Variants in AP1B1 observed in about 807,000 individuals in gnomAD.
AP1B1 encodes AP-1 complex subunit beta-1.
Under a neutral mutation model 104.3 loss-of-function variants are expected in AP1B1, and 36 were observed. The observed-to-expected ratio is 0.35, with a 90% CI of 0.26 to 0.46. The LOEUF (loss-of-function observed/expected upper bound fraction) is 0.46. AP1B1 is among the 20% of genes least tolerant of loss of function. The pLI is 1.00. For missense variants in AP1B1, 901 were observed against 1,247.9 expected (o/e 0.72, Z 4.19); for synonymous variants, 504 against 517.5 (o/e 0.97, Z 0.35).
At chr22:29,378,537 A>G (rs1312027015) in intron 1 of AP1B1, among the ~76,000 whole-genome samples, 1 of 142,816 alleles carries the variant, frequency 7.0e-6, no homozygotes, top group African/African-American at 2.7e-5. Flanking sequence ...TGGGCGAGAG[A>G]AAGAAACTCC....
At chr22:29,387,193 G>A (rs936983770) in intron 1 of AP1B1, among the ~76,000 whole-genome samples, 2 of 152,078 alleles carry the variant, frequency 1.3e-5, no homozygotes, top group Admixed American at 6.6e-5. Context: ...CAGCCTGTAG[G>A]ATTGTTTTAT....
chr22:29,339,591 G>A (rs1325395547), intron 15 of AP1B1, among the ~76,000 whole-genome samples, 163 bp downstream of exon 15: 1 of 151,922 alleles, frequency 6.6e-6, no homozygotes, highest in Non-Finnish European at 1.5e-5. Flanking sequence ...GCAGCCGGAT[G>A]CCAGGTGGTC....
intron 4 of AP1B1, 73 bp from the exon 5 acceptor site, chr22:29,359,044 GC>G: frequency 7.0e-7 from 1 of 1,432,234 alleles, no homozygotes; most frequent in Non-Finnish European, 9.4e-7. Context: ...TCCCTGGCCT[GC>G]AGCTCTGAGC....
chr22:29,362,624 C>T (rs552663912), intron 3 of AP1B1, among the ~76,000 whole-genome samples: 20 of 152,290 alleles, frequency 1.3e-4, no homozygotes, highest in East Asian at 9.6e-4. Context: ...GGATTACAGG[C>T]GTGAGCCACC....
Position 29,330,703 on chromosome 22 carries a change from T to C in AP1B1, c.2531A>G (p.Gln844Arg). The change falls in exon 20 of 23, where the codon CAG (glutamine) becomes CGG (arginine). Residue 844 changes from glutamine to arginine, a missense_variant. By Grantham distance (43) the Gln-to-Arg change is conservative. Around this residue, in one of 3 missense-constraint regions of AP1B1, gnomAD observed 424 missense variants for 494.0 expected, o/e 0.86. Transcript: ENST00000357586. ...LFVEDGKMDRQMFLATWKDIP... is the reference protein window; with the variant it reads ...LFVEDGKMDRRMFLATWKDIP... ...ATCCTTCCATGTGGCCAGGAACATC[T>C]GCCGGTCTGCGGGGTGAGCAGGGTG... 2 of 1,612,364 alleles carry C rather than the reference T, an allele frequency of 1.2e-6. No individual in the cohort carries two copies. The highest frequency in any genetic ancestry group is 1.7e-6 in the Non-Finnish European group (2 of 1,179,742).
Position 29,349,233 on chromosome 22 carries a change from A to G in AP1B1, c.1422T>C (p.His474=), listed in dbSNP as rs764109250. 35 of 1,613,156 alleles carry G rather than the reference A, an allele frequency of 2.2e-5. No individual in the cohort carries two copies. The highest frequency in any genetic ancestry group is 1.6e-4 in the Middle Eastern group (1 of 6,084). The stretch of plus-strand genomic sequence containing the variant: ...GCTGGCTCACCTGTGTGCTCTCGTC[A>G]TGGAAGCCCTCGAGGAAGCTCTCCA... ...ELLESFLEGF[H]DESTQVQLQL... is the part of the protein sequence containing the mutation. The change falls in exon 11 of 23, where the codon CAT becomes CAC. Residue 474 remains histidine, a synonymous_variant. Coordinates refer to ENST00000357586, the MANE Select transcript of AP1B1 (RefSeq NM_001127.4).
Position 29,359,970 on chromosome 22 carries a change from A to C in AP1B1, c.144-11T>G. ...TCGGGGAAGAGGGCACTGGAAGGTC[A>C]AAATGGTGTCAGCATGGGAAAGGCT... On this transcript the variant is annotated splice_polypyrimidine_tract_variant and intron_variant, in intron 3 of 22. Transcript: ENST00000357586. 2 of 1,610,864 alleles carry C rather than the reference A, an allele frequency of 1.2e-6. No homozygotes were observed. The highest frequency in any genetic ancestry group is 1.1e-5 in the South Asian group (1 of 90,134).
chr22:29,348,780 G>A (rs2061829483), intron 11 of AP1B1, among the ~76,000 whole-genome samples: 1 of 152,194 alleles, frequency 6.6e-6, no homozygotes, highest in South Asian at 2.1e-4. Flanking sequence ...GGGTGCATGT[G>A]TGTGTATCTG....
chr22:29,378,489 G>A (rs988300969), intron 1 of AP1B1, among the ~76,000 whole-genome samples: 4 of 147,338 alleles, frequency 2.7e-5, no homozygotes, highest in African/African-American at 1.0e-4. Flanking sequence ...GGAGGTTGAC[G>A]CTGCAGTGAG....
At chr22:29,375,288 T>C (rs1182054324) in intron 1 of AP1B1, among the ~76,000 whole-genome samples, 1 of 134,678 alleles carries the variant, frequency 7.4e-6, no homozygotes, top group Non-Finnish European at 1.5e-5. Context: ...AGGCAGAGGT[T>C]GTAGTGAGGT....
chr22:29,365,875 T>C (rs890364983), intron 2 of AP1B1, among the ~76,000 whole-genome samples: 3 of 151,562 alleles, frequency 2.0e-5, no homozygotes, highest in African/African-American at 7.3e-5. Flanking sequence ...CCCAGTACAC[T>C]TCAGTGTGGT....
intron 11 of AP1B1, among the ~76,000 whole-genome samples, chr22:29,344,398 G>A (rs981366376): frequency 9.9e-5 from 15 of 151,732 alleles, no homozygotes; most frequent in African/African-American, 2.7e-4. Flanking sequence ...CACTCAGGCC[G>A]TTAGCCTGCA....
intron 3 of AP1B1, among the ~76,000 whole-genome samples, 164 bp downstream of exon 3, chr22:29,362,837 G>A (rs2062072613): frequency 6.6e-6 from 1 of 152,052 alleles, no homozygotes; most frequent in Non-Finnish European, 1.5e-5. Context: ...CATGATTCCT[G>A]TGTAAACAAA....
At chr22:29,352,240 G>C (rs1386257639) in intron 7 of AP1B1, among the ~76,000 whole-genome samples, 3 of 152,248 alleles carry the variant, frequency 2.0e-5, no homozygotes, top group Non-Finnish European at 4.4e-5. Context: ...GCTAGCCTCA[G>C]AAGGCCTGGC....
chr22:29,329,058 C>T (rs1260662090), intron 22 of AP1B1, 163 bp from the exon 23 acceptor site: 5 of 1,426,756 alleles, frequency 3.5e-6, no homozygotes, highest in Middle Eastern at 2.6e-4. Flanking sequence ...GCGGAGGGGG[C>T]GGCTGTCGCA....
At chr22:29,384,741 G>A (rs1246040669) in intron 1 of AP1B1, among the ~76,000 whole-genome samples, 1 of 152,090 alleles carries the variant, frequency 6.6e-6, no homozygotes, top group East Asian at 1.9e-4. Context: ...GGTGGCAGGT[G>A]CCTGTAATCC....
chr22:29,374,075 C>G (rs1410111717), intron 1 of AP1B1, among the ~76,000 whole-genome samples: 3 of 151,390 alleles, frequency 2.0e-5, no homozygotes, highest in Non-Finnish European at 4.4e-5. Context: ...GCGGTGCATG[C>G]CTGTAATCAC....
Position 29,327,902 on chromosome 22 carries a change from A to T in AP1B1, c.*919T>A, listed in dbSNP as rs1437569326. The T allele has an allele frequency of 6.6e-6, 1 of 152,490 alleles. No individual in the cohort carries two copies. The highest frequency in any genetic ancestry group is 1.5e-5 in the Non-Finnish European group (1 of 68,040). 9.4% of individuals were successfully genotyped at this position (152,490 alleles called of 1,614,324 possible). ...TTTATTATTACACAGCAGTAACAGG[A>T]AAACCTAATGCTCTGTCAGACACAA... On this transcript the variant is annotated 3_prime_UTR_variant, in exon 23 of 23. Transcript: ENST00000357586.
At chr22:29,357,668 G>A (rs528294412) in intron 5 of AP1B1, among the ~76,000 whole-genome samples, 1 of 150,578 alleles carries the variant, frequency 6.6e-6, no homozygotes, top group Non-Finnish European at 1.5e-5. Context: ...ATGAGCCACT[G>A]CGCGCGGCCT....
Sources: allele counts gnomAD v4.1 joint callset (sites outside exome capture counted in the v4.1 genomes callset), GRCh38; gene constraint gnomAD v4.1.1; regional missense constraint gnomAD v4.1.1; transcripts MANE v1.5; gene names NCBI Gene and HGNC (gene_info 2026-07-23, HGNC 2026-07-21).